The following KCNIP4 variants were observed in gnomAD, a reference collection of about 807,000 sequenced individuals.
KCNIP4 encodes Kv channel-interacting protein 4.
A neutral mutation model predicts 34.0 loss-of-function variants in KCNIP4; 12 were observed. That is an observed-to-expected ratio of 0.35 (90% CI 0.23 to 0.57). The LOEUF (loss-of-function observed/expected upper bound fraction) is 0.57. Ranked by LOEUF, KCNIP4 falls within the 20% of genes least tolerant of loss-of-function variation. KCNIP4 has a pLI of 0.83. For missense variants in KCNIP4, 238 were observed against 311.7 expected (o/e 0.76, Z 1.78); for synonymous variants, 124 against 102.2 (o/e 1.21, Z -1.29).
intron 1 of KCNIP4, among the ~76,000 whole-genome samples, chr4:21,183,935 T>C (rs1022042820): frequency 2.6e-5 from 4 of 152,148 alleles, no homozygotes; most frequent in African/African-American, 9.7e-5. Context: ...TCTCAGGCCA[T>C]CACTCTCTAT....
At chr4:21,741,249 T>C (rs1254356586) in intron 1 of KCNIP4, among the ~76,000 whole-genome samples, 1 of 152,124 alleles carries the variant, frequency 6.6e-6, no homozygotes, top group African/African-American at 2.4e-5. Context: ...CCATGGCAGG[T>C]AATATTCTAG....
intron 3 of KCNIP4, among the ~76,000 whole-genome samples, chr4:20,787,514 G>A (rs915956490): frequency 6.6e-6 from 1 of 151,896 alleles, no homozygotes; most frequent in African/African-American, 2.4e-5. Flanking sequence ...CTATTAAAAA[G>A]TGCTCAATGA....
intron 3 of KCNIP4, among the ~76,000 whole-genome samples, chr4:20,802,644 C>T (rs1270400632): frequency 6.6e-6 from 1 of 152,044 alleles, no homozygotes; most frequent in Non-Finnish European, 1.5e-5. Flanking sequence ...CGAAATCATA[C>T]CTAGTATTGT....
chr4:21,655,522 A>T (rs1481429033), intron 1 of KCNIP4, among the ~76,000 whole-genome samples: 1 of 152,220 alleles, frequency 6.6e-6, no homozygotes, highest in East Asian at 1.9e-4. Flanking sequence ...TATATTTGTG[A>T]TAAAACACAT....
At chr4:20,915,992 T>C (rs1186373243) in intron 1 of KCNIP4, among the ~76,000 whole-genome samples, 1 of 152,172 alleles carries the variant, frequency 6.6e-6, no homozygotes, top group Non-Finnish European at 1.5e-5. Context: ...TTTTCATTCT[T>C]TTCCCATATG....
intron 3 of KCNIP4, among the ~76,000 whole-genome samples, chr4:20,772,739 T>G (rs1756018889): frequency 6.6e-6 from 1 of 152,078 alleles, no homozygotes; most frequent in African/African-American, 2.4e-5. Context: ...TCTCCTAGGT[T>G]CAAGCGATTC....
chr4:21,775,292 A>G (rs1577971827), intron 1 of KCNIP4, among the ~76,000 whole-genome samples: 1 of 151,918 alleles, frequency 6.6e-6, no homozygotes, highest in Non-Finnish European at 1.5e-5. Context: ...GTGCCTGGAG[A>G]GGTCACTCAA....
intron 4 of KCNIP4, 132 bp from the exon 5 acceptor site, chr4:20,749,864 C>A (rs926666135): frequency 1.6e-5 from 9 of 556,240 alleles, no homozygotes; most frequent in African/African-American, 1.1e-4. Context: ...TTCTTCACAA[C>A]TGCTTACCCT....
At chr4:20,936,735 C>T (rs931388730) in intron 1 of KCNIP4, among the ~76,000 whole-genome samples, 11 of 152,062 alleles carry the variant, frequency 7.2e-5, no homozygotes, top group Admixed American at 3.9e-4. Flanking sequence ...TGGAAAAAAG[C>T]GTGCTTCTTG....
chr4:20,921,858 A>T (rs924797111), intron 1 of KCNIP4, among the ~76,000 whole-genome samples: 1 of 152,214 alleles, frequency 6.6e-6, no homozygotes, highest in Admixed American at 6.5e-5. Context: ...ATTAATGAAG[A>T]CTATCTCTAT....
intron 3 of KCNIP4, among the ~76,000 whole-genome samples, chr4:20,819,511 A>T (rs1393562117): frequency 6.6e-6 from 1 of 152,210 alleles, no homozygotes; most frequent in Admixed American, 6.5e-5. Context: ...GAATAATAAA[A>T]GGAGTTTCTA....
intron 1 of KCNIP4, among the ~76,000 whole-genome samples, chr4:21,783,939 A>G (rs1719735949): frequency 6.6e-6 from 1 of 152,172 alleles, no homozygotes; most frequent in African/African-American, 2.4e-5. Flanking sequence ...TAAGCTTTGT[A>G]GAAATATATA....
chr4:21,456,594 T>C (rs1353003701), intron 1 of KCNIP4, among the ~76,000 whole-genome samples: 1 of 148,122 alleles, frequency 6.8e-6, no homozygotes, highest in Non-Finnish European at 1.5e-5. Flanking sequence ...TGAATTACAA[T>C]AAATATGTAA....
intron 1 of KCNIP4, among the ~76,000 whole-genome samples, chr4:21,929,285 T>C (rs759565516): frequency 2.6e-5 from 4 of 152,104 alleles, no homozygotes; most frequent in Non-Finnish European, 5.9e-5. Context: ...ATAATAAATA[T>C]GTCAACTTTA....
intron 3 of KCNIP4, among the ~76,000 whole-genome samples, chr4:20,806,498 C>T (rs1356585465): frequency 6.6e-6 from 1 of 151,512 alleles, no homozygotes; most frequent in East Asian, 1.9e-4. Flanking sequence ...GCCATTTGAC[C>T]TTCTTATTTT....
At chr4:20,840,381 T>C (rs1410849188) in intron 3 of KCNIP4, among the ~76,000 whole-genome samples, 1 of 152,208 alleles carries the variant, frequency 6.6e-6, no homozygotes, top group Non-Finnish European at 1.5e-5. Context: ...CTAACATATC[T>C]ATCTTCCATG....
chr4:21,587,229 A>AACT (rs1245712596), intron 1 of KCNIP4, among the ~76,000 whole-genome samples: 4 of 152,074 alleles, frequency 2.6e-5, no homozygotes, highest in African/African-American at 9.7e-5. Context: ...GGGTATAAGT[A>AACT]ACTTTGTGGA....
At chr4:21,745,721 T>C (rs1490705738) in intron 1 of KCNIP4, among the ~76,000 whole-genome samples, 4 of 152,116 alleles carry the variant, frequency 2.6e-5, no homozygotes, top group Admixed American at 2.0e-4. Context: ...AGATGAATAA[T>C]TGTGGAACGA....
intron 1 of KCNIP4, among the ~76,000 whole-genome samples, chr4:21,157,994 T>G (rs555366097): frequency 1.6e-4 from 24 of 151,454 alleles, no homozygotes; most frequent in African/African-American, 5.8e-4. Flanking sequence ...AGAAGGGACA[T>G]AACTACAAAT....
Sources: allele counts gnomAD v4.1 joint callset (sites outside exome capture counted in the v4.1 genomes callset), GRCh38; gene constraint gnomAD v4.1.1; transcripts MANE v1.5; gene names NCBI Gene and HGNC (gene_info 2026-07-23, HGNC 2026-07-21).